LINGO2: variants seen among roughly 807,000 people sequenced by gnomAD.
The protein encoded by LINGO2 is leucine rich repeat and Ig domain containing 2.
LINGO2 carries 14 observed loss-of-function variants against 30.6 expected under a neutral mutation model. That is an observed-to-expected ratio of 0.46 (90% CI 0.30 to 0.72). LINGO2 has a LOEUF of 0.72. Ranked by LOEUF, LINGO2 falls within the 30% of genes least tolerant of loss-of-function variation. LINGO2 has a pLI of 0.07. For synonymous variants in LINGO2, 317 were observed against 288.5 expected (o/e 1.10, Z -1.00); for missense variants, 729 against 751.7 (o/e 0.97, Z 0.35).
chr9:28,960,717 T>A, the LINGO2 span, among the ~76,000 whole-genome samples: 2 of 150,058 alleles, frequency 1.3e-5, no homozygotes, highest in African/African-American at 4.9e-5. Flanking sequence ...AATAGGCAGA[T>A]GTAACTTATA....
intron 2 of LINGO2, among the ~76,000 whole-genome samples, chr9:28,470,744 A>G (rs888509483): frequency 6.6e-6 from 1 of 152,082 alleles, no homozygotes; most frequent in African/African-American, 2.4e-5. Context: ...GATAGATTAT[A>G]ATGTATTAAT....
chr9:28,554,297 G>A (rs1270898070), intron 1 of LINGO2, among the ~76,000 whole-genome samples: 2 of 150,622 alleles, frequency 1.3e-5, no homozygotes, highest in East Asian at 3.9e-4. Context: ...TAAAAGGATG[G>A]AGGAAGATCT....
intron 2 of LINGO2, among the ~76,000 whole-genome samples, chr9:28,443,895 G>A (rs907345803): frequency 1.3e-5 from 2 of 152,174 alleles, no homozygotes; most frequent in Non-Finnish European, 2.9e-5. Flanking sequence ...CTGGGTCTGG[G>A]CTGGCAGTTC....
chr9:28,413,275 T>C (rs1390887844), intron 2 of LINGO2, among the ~76,000 whole-genome samples: 2 of 152,070 alleles, frequency 1.3e-5, no homozygotes, highest in African/African-American at 2.4e-5. Context: ...AACAGAATAA[T>C]TTAATTTTGG....
At chr9:28,508,584 C>T (rs541601132) in intron 1 of LINGO2, among the ~76,000 whole-genome samples, 2 of 151,916 alleles carry the variant, frequency 1.3e-5, no homozygotes, top group Non-Finnish European at 2.9e-5. Context: ...ATTTATCTAA[C>T]TACTGGAATT....
At chr9:28,675,924 T>TATATATATATATATATATAC in the LINGO2 span, among the ~76,000 whole-genome samples, 4 of 137,740 alleles carry the variant, frequency 2.9e-5, no homozygotes, top group Non-Finnish European at 4.6e-5. Flanking sequence ...TATATATATA[T>TATATATATATATATATATAC]ACATACACAC....
intron 5 of LINGO2, among the ~76,000 whole-genome samples, chr9:27,951,010 CTGTGAGACAACACAGTATAAATT>C (rs1819281237): frequency 6.6e-6 from 1 of 152,156 alleles, no homozygotes; most frequent in Admixed American, 6.5e-5. Flanking sequence ...GTGACACAGA[CTGTGAGACAACACAGTATAAATT>C]TCACACTCAA....
At chr9:28,632,857 TA>T (rs1000579579) in intron 1 of LINGO2, among the ~76,000 whole-genome samples, 11 of 82,778 alleles carry the variant, frequency 1.3e-4, no homozygotes, top group African/African-American at 4.7e-4. Context: ...ATATATTTTT[TA>T]TATATATATA....
At chr9:28,038,441 C>T (rs980473157) in intron 4 of LINGO2, among the ~76,000 whole-genome samples, 1 of 152,162 alleles carries the variant, frequency 6.6e-6, no homozygotes, top group African/African-American at 2.4e-5. Flanking sequence ...CGCCTGTAAT[C>T]CCAGCACTTT....
the LINGO2 span, among the ~76,000 whole-genome samples, chr9:28,716,266 T>A: frequency 6.6e-5 from 10 of 152,042 alleles, no homozygotes; most frequent in Non-Finnish European, 1.5e-5. Context: ...TTTCTTTTTT[T>A]AATTTTTTAC....
At chr9:29,201,631 G>A in the LINGO2 span, among the ~76,000 whole-genome samples, 14 of 151,112 alleles carry the variant, frequency 9.3e-5, no homozygotes, top group Non-Finnish European at 1.6e-4. Context: ...GAGATTTCAA[G>A]TTCATTGGCT....
chr9:29,191,597 T>C, the LINGO2 span, among the ~76,000 whole-genome samples: 6 of 152,226 alleles, frequency 3.9e-5, no homozygotes, highest in Admixed American at 2.6e-4. Context: ...ATCTGCAGGG[T>C]CTTAAACTGC....
intron 5 of LINGO2, among the ~76,000 whole-genome samples, chr9:28,007,352 G>A (rs912630345): frequency 6.6e-6 from 1 of 151,948 alleles, no homozygotes; most frequent in East Asian, 1.9e-4. Flanking sequence ...AGGAGGGCAG[G>A]AAAGACAAAA....
At chr9:28,093,172 G>A (rs1373434532) in intron 4 of LINGO2, among the ~76,000 whole-genome samples, 1 of 152,030 alleles carries the variant, frequency 6.6e-6, no homozygotes, top group Non-Finnish European at 1.5e-5. Flanking sequence ...TCTTAGACTA[G>A]TTCTAAGGCT....
chr9:28,536,090 G>T (rs1821427062), intron 1 of LINGO2, among the ~76,000 whole-genome samples: 1 of 151,998 alleles, frequency 6.6e-6, no homozygotes, highest in Non-Finnish European at 1.5e-5. Flanking sequence ...GGGTATCCTT[G>T]ACTAAAAATG....
chr9:28,285,126 C>T (rs7034966), intron 4 of LINGO2, among the ~76,000 whole-genome samples: 152,127 of 152,320 alleles, frequency 1, 75,967 homozygotes, highest in Middle Eastern at 1. Context: ...TCTCACTTAC[C>T]TCTGGAGACC....
At chr9:28,741,397 C>A in the LINGO2 span, among the ~76,000 whole-genome samples, 4 of 151,720 alleles carry the variant, frequency 2.6e-5, no homozygotes, top group Non-Finnish European at 4.4e-5. Context: ...GTTGGCCTGG[C>A]ATTGAGTAGA....
chr9:29,167,672 C>T, the LINGO2 span, among the ~76,000 whole-genome samples: 1 of 152,132 alleles, frequency 6.6e-6, no homozygotes, highest in Non-Finnish European at 1.5e-5. Flanking sequence ...TCCTGTACAG[C>T]AACAGAATCT....
chr9:28,866,104 C>G, the LINGO2 span, among the ~76,000 whole-genome samples: 1 of 151,994 alleles, frequency 6.6e-6, no homozygotes, highest in African/African-American at 2.4e-5. Flanking sequence ...GAAAATTTTC[C>G]CACATTTTCT....
Sources: allele counts gnomAD v4.1 joint callset (sites outside exome capture counted in the v4.1 genomes callset), GRCh38; gene constraint gnomAD v4.1.1; transcripts MANE v1.5; gene names NCBI Gene and HGNC (gene_info 2026-07-23, HGNC 2026-07-21).